ITFG1: variants seen among roughly 807,000 people sequenced by gnomAD.
ITFG1 encodes integrin alpha FG-GAP repeat containing 1, also known as T-cell immunomodulatory protein.
Under a neutral mutation model 81.8 loss-of-function variants are expected in ITFG1, and 34 were observed. The ratio of observed to expected loss-of-function variants is 0.42; its 90% CI spans 0.32 to 0.55. The LOEUF is 0.55. Among genes scored for constraint, ITFG1 ranks in the 20% least tolerant of loss-of-function variants. The probability of loss-of-function intolerance (pLI) is 0.17; values close to 1 mark genes in which losing one functional copy is unlikely to be tolerated. For synonymous variants in ITFG1, 285 were observed against 270.6 expected, an observed-to-expected ratio of 1.05 and a Z score of -0.52; for missense variants, 672 against 755.4, an observed-to-expected ratio of 0.89 and a Z score of 1.29.
At chr16:47,212,482 G>T (rs1167630731) in intron 14 of ITFG1, among the ~76,000 whole-genome samples, 1 of 152,170 alleles carries the variant, frequency 6.6e-6, no homozygotes, top group East Asian at 1.9e-4. Context: ...CTCCCAAAGT[G>T]CTGGGATTAC....
At chr16:47,162,221 ATAT>A (rs1412309940) in intron 15 of ITFG1, among the ~76,000 whole-genome samples, 15 of 151,916 alleles carry the variant, frequency 9.9e-5, no homozygotes, top group African/African-American at 2.7e-4. Flanking sequence ...ATGTATAATA[ATAT>A]TATTTATGTT....
At chr16:47,433,748 A>T (rs1969122312) in intron 5 of ITFG1, among the ~76,000 whole-genome samples, 1 of 146,932 alleles carries the variant, frequency 6.8e-6, no homozygotes, top group Non-Finnish European at 1.5e-5. Context: ...TTTGTGGTGC[A>T]TTTTAAGATG....
intron 8 of ITFG1, among the ~76,000 whole-genome samples, chr16:47,319,572 T>C (rs921169954): frequency 3.3e-5 from 5 of 152,208 alleles, no homozygotes; most frequent in Admixed American, 6.5e-5. Context: ...CAGACTATTA[T>C]AAAGCTGTAT....
intron 12 of ITFG1, among the ~76,000 whole-genome samples, chr16:47,248,791 TA>T: frequency 6.6e-6 from 1 of 152,318 alleles, no homozygotes; most frequent in East Asian, 1.9e-4. Context: ...AAGTGAAACT[TA>T]TTTTTTTAAG....
At chr16:47,310,003 C>G (rs938548822) in intron 10 of ITFG1, among the ~76,000 whole-genome samples, 1 of 152,214 alleles carries the variant, frequency 6.6e-6, no homozygotes, top group Non-Finnish European at 1.5e-5. Flanking sequence ...GAACAACACT[C>G]ACGTTCCATT....
At chr16:47,312,188 G>A (rs1292265873) in intron 9 of ITFG1, 1 of 152,100 alleles carries the variant, frequency 6.6e-6, no homozygotes, top group South Asian at 2.1e-4. Flanking sequence ...TTTGAAGAGC[G>A]GAAATCATGC....
intron 5 of ITFG1, among the ~76,000 whole-genome samples, chr16:47,439,741 G>A (rs994590032): frequency 6.6e-6 from 1 of 152,140 alleles, no homozygotes. Context: ...AAGCCAAACT[G>A]TAAAGACCAT....
chr16:47,193,223 T>A (rs183519465), intron 14 of ITFG1, among the ~76,000 whole-genome samples: 3,485 of 147,712 alleles, frequency 0.024, 119 homozygotes, highest in African/African-American at 0.078. Context: ...TTAAAAAAAT[T>A]TTTTTTTTTT....
intron 8 of ITFG1, among the ~76,000 whole-genome samples, chr16:47,360,423 A>G (rs1470457256): frequency 6.6e-6 from 1 of 152,160 alleles, no homozygotes; most frequent in Non-Finnish European, 1.5e-5. Context: ...GGGCTACTTA[A>G]CGAAACAGCA....
intron 13 of ITFG1, among the ~76,000 whole-genome samples, chr16:47,233,509 G>T (rs1490208681): frequency 6.6e-6 from 1 of 152,176 alleles, no homozygotes; most frequent in Non-Finnish European, 1.5e-5. Context: ...GAAGACTGGA[G>T]AAAAATACCT....
chr16:47,203,642 G>A (rs963481974), intron 14 of ITFG1, among the ~76,000 whole-genome samples: 11 of 152,164 alleles, frequency 7.2e-5, no homozygotes, highest in Non-Finnish European at 1.3e-4. Flanking sequence ...CTAATGCAGC[G>A]GCTGATCTGA....
chr16:47,366,572 A>T (rs1280953578), intron 7 of ITFG1, among the ~76,000 whole-genome samples: 1 of 152,188 alleles, frequency 6.6e-6, no homozygotes, highest in Non-Finnish European at 1.5e-5. Context: ...AATAATATGC[A>T]TTTCTTTAAA....
chr16:47,415,643 T>G (rs1017461384), intron 6 of ITFG1, among the ~76,000 whole-genome samples: 33 of 152,242 alleles, frequency 2.2e-4, no homozygotes, highest in African/African-American at 7.7e-4. Flanking sequence ...AAGATATGCA[T>G]ATCAAAATCA....
chr16:47,239,487 C>T (rs1219943747), intron 12 of ITFG1, among the ~76,000 whole-genome samples: 1 of 152,138 alleles, frequency 6.6e-6, no homozygotes, highest in Non-Finnish European at 1.5e-5. Context: ...GTGTGAGCCA[C>T]TGGGTCTGGC....
chr16:47,371,341 GC>G (rs1218610440), intron 7 of ITFG1, among the ~76,000 whole-genome samples: 3 of 152,162 alleles, frequency 2.0e-5, no homozygotes, highest in African/African-American at 7.2e-5. Context: ...TCAGTATAGT[GC>G]CTAGCACACA....
chr16:47,307,473 T>C (rs2151562776), intron 10 of ITFG1, among the ~76,000 whole-genome samples: 1 of 152,264 alleles, frequency 6.6e-6, no homozygotes, highest in East Asian at 1.9e-4. Flanking sequence ...AGCAGATGAA[T>C]AGGCAATATT....
intron 8 of ITFG1, among the ~76,000 whole-genome samples, chr16:47,319,962 C>T (rs1254969118): frequency 2.5e-4 from 38 of 152,318 alleles, no homozygotes; most frequent in Admixed American, 2.4e-3. Context: ...CACTCTGTCA[C>T]CCAGGCTGGA....
chr16:47,165,348 T>A (rs947775594), intron 14 of ITFG1, among the ~76,000 whole-genome samples: 1 of 152,228 alleles, frequency 6.6e-6, no homozygotes, highest in Non-Finnish European at 1.5e-5. Context: ...CAGTAAGGTA[T>A]AATGAAAAGG....
chr16:47,398,243 T>C (rs529077401), intron 6 of ITFG1, among the ~76,000 whole-genome samples: 23 of 152,128 alleles, frequency 1.5e-4, no homozygotes, highest in African/African-American at 5.1e-4. Flanking sequence ...AGTGTCTATT[T>C]ACAGGCGCTG....
Sources: gnomAD v4.1 joint callset for allele counts (sites outside exome capture counted in the v4.1 genomes callset) on GRCh38, gnomAD v4.1.1 for gene constraint, MANE v1.5 for transcripts, NCBI Gene and HGNC (gene_info 2026-07-23, HGNC 2026-07-21) for gene names.